BPIFB6: variants seen among roughly 807,000 people sequenced by gnomAD.
BPIFB6 encodes the protein BPI fold-containing family B member 6.
A neutral mutation model predicts 54.7 loss-of-function variants in BPIFB6; 47 were observed. The ratio of observed to expected loss-of-function variants is 0.86; its 90% CI spans 0.68 to 1.10. The LOEUF (loss-of-function observed/expected upper bound fraction) is 1.10. Ranked by LOEUF, BPIFB6 falls within the 50% of genes least tolerant of loss-of-function variation. The pLI is 0.00. For synonymous variants in BPIFB6, 255 were observed against 225.9 expected, an observed-to-expected ratio of 1.13 and a Z score of -1.16; for missense variants, 603 against 564.1, an observed-to-expected ratio of 1.07 and a Z score of -0.70.
At chr20:33,039,632 CTTGA>C (rs1979492987) in intron 10 of BPIFB6, 112 bp downstream of exon 10, 1 of 1,187,816 alleles carries the variant, frequency 8.4e-7, no homozygotes, top group East Asian at 2.5e-5. Context: ...ATCAGTTAAT[CTTGA>C]TTATGTCTGA....
At chr20:33,033,146 C>A in intron 2 of BPIFB6, 63 bp downstream of exon 2, 1 of 1,263,486 alleles carries the variant, frequency 7.9e-7, no homozygotes, top group Non-Finnish European at 1.2e-6. Flanking sequence ...GATTGCTGTG[C>A]CCAAGATCTT....
At chr20:33,034,962 C>A (rs6059032) in intron 4 of BPIFB6, 50 bp downstream of exon 4, 637,083 of 1,603,908 alleles carry the variant, frequency 0.4, 131,101 homozygotes, top group East Asian at 0.75. Context: ...TTGCTATACC[C>A]CCCAGCATAT....
In BPIFB6 at chr20:33,039,498, T is replaced by G; in HGVS notation, c.1052T>G (p.Met351Arg). The G allele has an allele frequency of 6.2e-7, 1 of 1,611,774 alleles. No individual in the cohort carries two copies. The highest frequency in any genetic ancestry group is 1.1e-5 in the South Asian group (1 of 90,484). Residue 351 changes from methionine (M) to arginine (R), a missense_variant, in exon 10 of 15, where the codon ATG becomes AGG. Coordinates refer to ENST00000349552, the MANE Select transcript of BPIFB6 (RefSeq NM_174897.2). ...GCTCGGTGGCGGAGCAAGGCTCCAATGTCCCTCTTTCTCCTAGAAGTGGTG... is the reference window on the plus strand; with the variant it reads ...GCTCGGTGGCGGAGCAAGGCTCCAAGGTCCCTCTTTCTCCTAGAAGTGGTG... ...FAARWRSKAP[M>R]SLFLLEVHFN...
chr20:33,042,644 C>T (rs997033855), intron 12 of BPIFB6, among the ~76,000 whole-genome samples, 171 bp from the exon 13 acceptor site: 3 of 152,230 alleles, frequency 2.0e-5, no homozygotes, highest in Admixed American at 6.5e-5. Flanking sequence ...CACGGGTCTA[C>T]AGTCCAAACA....
At position 33,037,656 on chromosome 20, in the gene BPIFB6, A is replaced by C. The variant is rs1458356756; in HGVS notation, c.764A>C (p.Gln255Pro). Residue 255 changes from glutamine (Q) to proline (P), a missense_variant, in exon 8 of 15, where the codon CAG (glutamine) becomes CCG (proline). Transcript: ENST00000349552. ...GAGGGTTATGCCAAAGGCTCGTCGC[A>C]GCTGCTGCTCCCAGCCACCTTCCTC... ...FPEGYAKGSS[Q>P]LLLPATFLSA... The C allele has an allele frequency of 6.2e-7, 1 of 1,614,152 alleles. No individual in the cohort carries two copies. The highest frequency in any genetic ancestry group is 2.2e-5 in the East Asian group (1 of 44,872).
At chr20:33,036,599 T>C (rs2146365352) in intron 7 of BPIFB6, 63 bp downstream of exon 7, 1 of 1,448,262 alleles carries the variant, frequency 6.9e-7, no homozygotes, top group African/African-American at 1.4e-5. Flanking sequence ...TAGTGGGTGA[T>C]GCTTCTGCCA....
chr20:33,037,506 C>T (rs982530284), intron 7 of BPIFB6, 56 bp from the exon 8 acceptor site: 25 of 1,540,018 alleles, frequency 1.6e-5, no homozygotes, highest in Non-Finnish European at 2.1e-5. Context: ...CTGAGACACT[C>T]CTGGCCAACA....
chr20:33,037,711 CT>C lies in BPIFB6; in HGVS notation c.822del (p.His275MetfsTer2), dbSNP rs1397207149. 2 of 1,614,168 alleles carry C rather than the reference CT, an allele frequency of 1.2e-6. No homozygotes were observed. Among genetic ancestry groups the C allele is most frequent in the South Asian group, 2.2e-5 (2 of 91,074 alleles). ...CAGAGCTTGCCCTTCTGCAGAAGTC[CT>C]TTCATGTGAATATCCAGGATACAAT... ...SAELALLQKS[F>X]HVNIQDTMIG... is the part of the protein sequence containing the mutation. On this transcript the variant is annotated frameshift_variant, in exon 8 of 15. Transcript: ENST00000349552. LOFTEE classifies it high-confidence loss of function.
At chr20:33,037,360 C>T (rs1450947985) in intron 7 of BPIFB6, among the ~76,000 whole-genome samples, 1 of 152,178 alleles carries the variant, frequency 6.6e-6, no homozygotes, top group Non-Finnish European at 1.5e-5. Context: ...TGACTGACTC[C>T]CTTATCCTCC....
At chr20:33,037,834 G>A in intron 8 of BPIFB6, 96 bp downstream of exon 8, 1 of 1,356,982 alleles carries the variant, frequency 7.4e-7, no homozygotes. Context: ...TGGCCTTGTG[G>A]GCAACACTAG....
chr20:33,038,025 A>T (rs1979419077), intron 8 of BPIFB6, among the ~76,000 whole-genome samples: 1 of 152,088 alleles, frequency 6.6e-6, no homozygotes, highest in African/African-American at 2.4e-5. Context: ...TTGTCCAAGC[A>T]ACACCCACCC....
intron 2 of BPIFB6, chr20:33,033,482 T>A: frequency 4.4e-6 from 2 of 454,180 alleles, no homozygotes; most frequent in South Asian, 3.1e-5. Flanking sequence ...CAGTGCCACA[T>A]GAGATTGATC....
chr20:33,043,482 C>T (rs1979679139), intron 14 of BPIFB6, 115 bp downstream of exon 14: 1 of 938,720 alleles, frequency 1.1e-6, no homozygotes, highest in African/African-American at 1.6e-5. Flanking sequence ...GGCAGGTGGC[C>T]ATCAATATAA....
At chr20:33,039,293 C>G in intron 9 of BPIFB6, 54 bp from the exon 10 acceptor site, 3 of 1,525,930 alleles carry the variant, frequency 2.0e-6, no homozygotes, top group Non-Finnish European at 2.6e-6. Context: ...CTTATTTCAA[C>G]TGAAGCCACC....
chr20:33,043,331 C>A lies in BPIFB6; in HGVS notation c.1293C>A (p.Ala431=), dbSNP rs368272861. 5 of 1,614,078 alleles carry A rather than the reference C, an allele frequency of 3.1e-6. No individual in the cohort carries two copies. The highest frequency in any genetic ancestry group is 4.2e-6 in the Non-Finnish European group (5 of 1,180,042). The part of the protein sequence containing the change: ...QVGLPLPDFL[A]MNYNLAELDI... ...GGCTCCCACTCCCGGACTTTCTGGC[C>A]ATGAATTACAACCTGGCTGAGCTGG... Residue 431 remains alanine (A), a synonymous_variant, in exon 14 of 15, where the codon GCC becomes GCA. Transcript: ENST00000349552.
At chr20:33,033,494 G>T in intron 2 of BPIFB6, 1 of 454,264 alleles carries the variant, frequency 2.2e-6, no homozygotes. Context: ...AGATTGATCA[G>T]TAGGGGCTGC....
rs747295567 is a variant in BPIFB6 at position 33,042,804 on chromosome 20, CT to C, written c.1189-9del. 1 of 1,613,282 alleles carries C rather than the reference CT, an allele frequency of 6.2e-7. No individual in the cohort carries two copies. The highest frequency in any genetic ancestry group is 8.5e-7 in the Non-Finnish European group (1 of 1,179,272). On this transcript the variant is annotated splice_polypyrimidine_tract_variant and intron_variant, in intron 12 of 14. Coordinates refer to ENST00000349552, the MANE Select transcript of BPIFB6 (RefSeq NM_174897.2). ...AATGGAATGTGGATGCTTTCTCTTTCTTCTTTCCAGGAGAGGGAATTAACTG... is the reference window on the plus strand; with the variant it reads ...AATGGAATGTGGATGCTTTCTCTTTCTCTTTCCAGGAGAGGGAATTAACTG...
At chr20:33,031,818 T>A in intron 1 of BPIFB6, 74 bp downstream of exon 1, 4 of 1,207,872 alleles carry the variant, frequency 3.3e-6, no homozygotes, top group Non-Finnish European at 3.7e-6. Flanking sequence ...TCACTGCTCT[T>A]GGTTGCACAT....
Position 33,041,982 on chromosome 20 carries a change from G to A in BPIFB6, c.1155G>A (p.Leu385=), listed in dbSNP as rs781472350. 2 of 1,614,076 alleles carry A rather than the reference G, an allele frequency of 1.2e-6. No homozygotes were observed. Among genetic ancestry groups the A allele is most frequent in the Non-Finnish European group, 8.5e-7 (1 of 1,179,998 alleles). ...CACTCCCCCACAGATTACTGAGCTT[G>A]TCCCGGAAGTCCTCATCGATTGGCA... ...MATSLDRLLS[L]SRKSSSIGNF... Residue 385 remains leucine (L), a synonymous_variant, in exon 12 of 15, where the codon TTG becomes TTA. Transcript: ENST00000349552.
Sources: gnomAD v4.1 joint callset for allele counts (sites outside exome capture counted in the v4.1 genomes callset) on GRCh38, gnomAD v4.1.1 for gene constraint, MANE v1.5 for transcripts, NCBI Gene and HGNC (gene_info 2026-07-23, HGNC 2026-07-21) for gene names.